LAMA2: variants seen among roughly 807,000 people sequenced by gnomAD.
LAMA2 encodes the protein laminin subunit alpha-2.
A neutral mutation model predicts 364.8 loss-of-function variants in LAMA2; 269 were observed. That is an observed-to-expected ratio of 0.74 (90% CI 0.67 to 0.82). LAMA2 has a LOEUF of 0.82. LAMA2 is among the 40% of genes least tolerant of loss of function. LAMA2 has a pLI of 0.00. For missense variants in LAMA2, 3,807 were observed against 3,873.2 expected, an observed-to-expected ratio of 0.98 and a Z score of 0.45; for synonymous variants, 1,379 against 1,370.6, an observed-to-expected ratio of 1.01 and a Z score of -0.14.
At chr6:129,399,289 C>G (rs1779830133) in intron 37 of LAMA2, among the ~76,000 whole-genome samples, 2 of 152,076 alleles carry the variant, frequency 1.3e-5, no homozygotes, top group Non-Finnish European at 1.5e-5. Flanking sequence ...TTACTGGGTG[C>G]CAGGCAGTGT....
At chr6:129,458,667 A>G (rs1305985557) in intron 48 of LAMA2, among the ~76,000 whole-genome samples, 1 of 151,976 alleles carries the variant, frequency 6.6e-6, no homozygotes, top group Non-Finnish European at 1.5e-5. Context: ...GGCTCCGATC[A>G]ACAATCTTTC....
At position 129,516,330 on chromosome 6, in the gene LAMA2, T is replaced by G. The variant is rs1343201007; in HGVS notation, c.9352T>G (p.Ser3118Ala). ...ALELRGVQPVSCPAN is the reference protein window; with the variant it reads ...ALELRGVQPVACPAN The stretch of plus-strand genomic sequence containing the variant: ...GGAACTGAGGGGCGTTCAACCTGTA[T>G]CATGCCCAGCCAACTAATAAAAATA... The change falls in exon 65 of 65, where the codon TCA becomes GCA. Residue 3118 changes from serine to alanine, a missense_variant. Ser to Ala is a moderately conservative substitution (Grantham distance 99, BLOSUM62 1). Transcript: ENST00000421865. 1.2e-6 allele frequency: 2 copies of G among 1,614,048 alleles called. No homozygotes were observed. The highest frequency in any genetic ancestry group is 1.1e-5 in the South Asian group (1 of 91,086).
intron 1 of LAMA2, among the ~76,000 whole-genome samples, chr6:128,916,580 T>A (rs543631923): frequency 6.6e-6 from 1 of 152,350 alleles, no homozygotes; most frequent in African/African-American, 2.4e-5. Flanking sequence ...TAGTGATTGC[T>A]TTGTCTTTAT....
Position 129,143,025 on chromosome 6 carries a change from C to T in LAMA2, c.640-876C>T, listed in dbSNP as rs531544232. 2.6e-5 allele frequency among the ~76,000 whole-genome samples: 4 copies of T among 152,028 alleles called. No individual in the cohort carries two copies. The South Asian group carries it at 6.2e-4, about 24-fold the overall frequency. On this transcript the variant is annotated intron_variant, in intron 4 of 64. Transcript: ENST00000421865. ...CCTTCCTTTATCCGTGCCAACAGTA[C>T]CTTTTATTTTGTCACACAGTTTATT...
intron 10 of LAMA2, among the ~76,000 whole-genome samples, chr6:129,180,333 T>A (rs1780854581): frequency 6.6e-6 from 1 of 152,140 alleles, no homozygotes; most frequent in Non-Finnish European, 1.5e-5. Context: ...AAATAAGTAT[T>A]TATCTGTAAA....
At chr6:129,144,410 G>A (rs565430149) in intron 5 of LAMA2, among the ~76,000 whole-genome samples, 2 of 152,020 alleles carry the variant, frequency 1.3e-5, no homozygotes, top group Middle Eastern at 3.4e-3. Context: ...TGTCACCTTA[G>A]GGGATCTATA....
chr6:129,060,005 C>T, intron 3 of LAMA2, 109 bp downstream of exon 3: 1 of 713,204 alleles, frequency 1.4e-6, no homozygotes, highest in South Asian at 1.5e-5. Context: ...TTATCACTCT[C>T]CATTGTTTTC....
At chr6:128,953,023 G>A (rs1287339048) in intron 1 of LAMA2, among the ~76,000 whole-genome samples, 2 of 152,134 alleles carry the variant, frequency 1.3e-5, no homozygotes, top group African/African-American at 4.8e-5. Context: ...TTAAATCGGA[G>A]GAGGAAAAAT....
Position 129,277,580 on chromosome 6 carries a change from A to G in LAMA2, c.2451-2481A>G, listed in dbSNP as rs552535741. On this transcript the variant is annotated intron_variant, in intron 17 of 64. Coordinates refer to ENST00000421865, the MANE Select transcript of LAMA2 (RefSeq NM_000426.4). Reference sequence around the variant, plus strand: ...ACTTAATTCTTACCAGTAGGTTTCAATGACAATTGGTTATAGGAAGAAGAG... The same window carrying G: ...ACTTAATTCTTACCAGTAGGTTTCAGTGACAATTGGTTATAGGAAGAAGAG... Among the ~76,000 whole-genome samples the G allele has an allele frequency of 3.1e-3, 475 of 152,290 alleles. 3 individuals are homozygous for G. Among genetic ancestry groups the G allele is most frequent in the African/African-American group, 0.011 (460 of 41,570 alleles).
At chr6:129,428,550 G>A (rs1280641459) in intron 41 of LAMA2, among the ~76,000 whole-genome samples, 1 of 152,184 alleles carries the variant, frequency 6.6e-6, no homozygotes, top group Non-Finnish European at 1.5e-5. Flanking sequence ...TGTCTCCCAG[G>A]TTCAAGTGAT....
At chr6:129,135,519 C>A (rs1777739849) in intron 4 of LAMA2, among the ~76,000 whole-genome samples, 1 of 152,160 alleles carries the variant, frequency 6.6e-6, no homozygotes, top group Non-Finnish European at 1.5e-5. Flanking sequence ...AGTAAGTTTG[C>A]AAGAATAACT....
rs1042333806 is a variant in LAMA2 at position 128,890,915 on chromosome 6, C to T, written c.112+7558C>T. On this transcript the variant is annotated intron_variant, in intron 1 of 64. Coordinates refer to ENST00000421865, the MANE Select transcript of LAMA2 (RefSeq NM_000426.4). ...AATTCCTTCTGAAAAGATGAAAAAC[C>T]TTGACATCTTCATAAAAACATTTAA... Among the ~76,000 whole-genome samples the T allele has an allele frequency of 2.0e-5, 3 of 151,968 alleles. No homozygotes were observed. In the East Asian group the frequency reaches 5.8e-4, roughly 29 times the overall value.
At chr6:129,157,934 C>T in intron 8 of LAMA2, 2 of 1,614,152 alleles carry the variant, frequency 1.2e-6, no homozygotes, top group Non-Finnish European at 1.7e-6. Context: ...TATTCAAGGG[C>T]ACATCAACTT....
intron 1 of LAMA2, among the ~76,000 whole-genome samples, chr6:128,914,921 A>G (rs1247401262): frequency 6.6e-6 from 1 of 152,194 alleles, no homozygotes; most frequent in African/African-American, 2.4e-5. Flanking sequence ...TTTTTAAATC[A>G]TATTAAAAAT....
intron 1 of LAMA2, among the ~76,000 whole-genome samples, chr6:129,007,634 C>A (rs929304712): frequency 6.6e-6 from 1 of 152,266 alleles, no homozygotes; most frequent in Non-Finnish European, 1.5e-5. Context: ...GCATGAGTAA[C>A]TAGTCTTACA....
chr6:129,461,756 A>G (rs1433684167), intron 49 of LAMA2, among the ~76,000 whole-genome samples: 2 of 152,028 alleles, frequency 1.3e-5, no homozygotes, highest in African/African-American at 2.4e-5. Context: ...ATTTATGATT[A>G]TAAGAGTATT....
At chr6:129,238,026 A>G (rs961778475) in intron 12 of LAMA2, among the ~76,000 whole-genome samples, 71 of 150,140 alleles carry the variant, frequency 4.7e-4, no homozygotes, top group Non-Finnish European at 2.2e-4. Context: ...AAAGCCAGGC[A>G]TGGTGGTGCA....
At chr6:128,968,912 A>G (rs576258599) in intron 1 of LAMA2, among the ~76,000 whole-genome samples, 267 of 152,292 alleles carry the variant, frequency 1.8e-3, no homozygotes, top group African/African-American at 6.1e-3. Context: ...TAAAAATAAT[A>G]CTTTCTTAAT....
At chr6:128,971,413 G>A (rs1279823946) in intron 1 of LAMA2, among the ~76,000 whole-genome samples, 2 of 151,950 alleles carry the variant, frequency 1.3e-5, no homozygotes, top group Admixed American at 1.3e-4. Flanking sequence ...CCAACATGGA[G>A]AACTTAAGCT....
Sources: allele counts gnomAD v4.1 joint callset (sites outside exome capture counted in the v4.1 genomes callset), GRCh38; gene constraint gnomAD v4.1.1; transcripts MANE v1.5; gene names NCBI Gene and HGNC (gene_info 2026-07-23, HGNC 2026-07-21).